SNX30: variants seen among roughly 807,000 people sequenced by gnomAD.
SNX30 encodes sorting nexin family member 30.
SNX30 carries 24 observed loss-of-function variants against 46.4 expected under a neutral mutation model. The observed-to-expected ratio is 0.52, with a 90% CI of 0.37 to 0.73. SNX30 has a LOEUF of 0.73. Ranked by LOEUF, SNX30 falls within the 30% of genes least tolerant of loss-of-function variation. SNX30 has a pLI of 0.00. For synonymous variants in SNX30, 189 were observed against 211.5 expected, an observed-to-expected ratio of 0.89 and a Z score of 0.92; for missense variants, 533 against 555.7, an observed-to-expected ratio of 0.96 and a Z score of 0.41.
chr9:112,812,268 T>G (rs1840332151), intron 2 of SNX30, among the ~76,000 whole-genome samples: 2 of 152,214 alleles, frequency 1.3e-5, no homozygotes, highest in African/African-American at 4.8e-5. Flanking sequence ...TATTTATTTA[T>G]TTTTTGAGAC....
intron 1 of SNX30, among the ~76,000 whole-genome samples, chr9:112,761,811 A>G (rs1333221026): frequency 6.6e-6 from 1 of 152,200 alleles, no homozygotes; most frequent in Non-Finnish European, 1.5e-5. Flanking sequence ...TCAAACTTCA[A>G]GGCTCAAACA....
At chr9:112,823,153 C>G (rs535372780) in intron 3 of SNX30, among the ~76,000 whole-genome samples, 1 of 152,276 alleles carries the variant, frequency 6.6e-6, no homozygotes, top group South Asian at 2.1e-4. Context: ...CTGGGCAACA[C>G]AGTGACACCT....
chr9:112,822,456 C>T (rs1337067185), intron 3 of SNX30, among the ~76,000 whole-genome samples: 1 of 151,842 alleles, frequency 6.6e-6, no homozygotes, highest in African/African-American at 2.4e-5. Flanking sequence ...CTTGTATGTA[C>T]CCCTGATACC....
At chr9:112,878,435 C>A (rs1428748942), downstream of SNX30, 1 of 152,242 alleles carries the variant, frequency 6.6e-6, no homozygotes, top group African/African-American at 2.4e-5. Context: ...ACCCTTCCAG[C>A]CTTGTCATAG....
At chr9:112,784,484 A>G (rs1839890071) in intron 1 of SNX30, among the ~76,000 whole-genome samples, 1 of 152,144 alleles carries the variant, frequency 6.6e-6, no homozygotes, top group Non-Finnish European at 1.5e-5. Flanking sequence ...AGAGCAGCTC[A>G]TGTCCATTCA....
downstream of SNX30, chr9:112,879,373 G>A (rs1841550901): frequency 5.6e-6 from 1 of 177,998 alleles, no homozygotes; most frequent in Non-Finnish European, 1.2e-5. Context: ...CAGGTGACTA[G>A]TTAGCTATAC....
chr9:112,860,795 T>A (rs760867899), intron 7 of SNX30, among the ~76,000 whole-genome samples: 24 of 152,186 alleles, frequency 1.6e-4, no homozygotes, highest in Non-Finnish European at 3.2e-4. Flanking sequence ...TTATAACACA[T>A]GGAATAAAGC....
chr9:112,777,008 G>C (rs138368022), intron 1 of SNX30, among the ~76,000 whole-genome samples: 225 of 152,142 alleles, frequency 1.5e-3, no homozygotes, highest in Admixed American at 2.5e-3. Context: ...CAGTCTCTGT[G>C]GTCTCTGATT....
intron 6 of SNX30, among the ~76,000 whole-genome samples, chr9:112,849,677 C>G (rs1840994044): frequency 6.6e-6 from 1 of 152,170 alleles, no homozygotes; most frequent in Admixed American, 6.5e-5. Flanking sequence ...TTGACACATT[C>G]CATTAGAAGG....
intron 1 of SNX30, among the ~76,000 whole-genome samples, chr9:112,779,802 A>C (rs989768188): frequency 6.6e-6 from 1 of 152,180 alleles, no homozygotes; most frequent in Non-Finnish European, 1.5e-5. Context: ...CACTTGGCTG[A>C]GTGCTCCACT....
At chr9:112,835,537 G>A (rs1840738941) in intron 4 of SNX30, among the ~76,000 whole-genome samples, 1 of 148,556 alleles carries the variant, frequency 6.7e-6, no homozygotes, top group African/African-American at 2.5e-5. Context: ...GGCTGGTCTT[G>A]AACTCCTGAC....
At chr9:112,754,079 G>A (rs975922924) in intron 1 of SNX30, among the ~76,000 whole-genome samples, 2 of 152,206 alleles carry the variant, frequency 1.3e-5, no homozygotes, top group African/African-American at 4.8e-5. Flanking sequence ...CAGGGATTCT[G>A]CGTCAGTTCT....
At chr9:112,841,042 G>A (rs545041183) in intron 6 of SNX30, among the ~76,000 whole-genome samples, 27 of 152,338 alleles carry the variant, frequency 1.8e-4, no homozygotes, top group South Asian at 1.2e-3. Flanking sequence ...GATTACAGGC[G>A]TGAGCCACTG....
intron 8 of SNX30, among the ~76,000 whole-genome samples, chr9:112,867,966 A>G (rs1564298524): frequency 6.6e-6 from 1 of 152,230 alleles, no homozygotes; most frequent in African/African-American, 2.4e-5. Context: ...TCAGAGGACA[A>G]TGCCAGAGTG....
intron 7 of SNX30, among the ~76,000 whole-genome samples, chr9:112,863,844 T>G (rs1181822493): frequency 6.6e-6 from 1 of 152,208 alleles, no homozygotes; most frequent in Non-Finnish European, 1.5e-5. Context: ...AGTTCCAATA[T>G]GGGACACAGG....
chr9:112,753,914 G>A (rs1229936500), intron 1 of SNX30, among the ~76,000 whole-genome samples: 2 of 152,234 alleles, frequency 1.3e-5, no homozygotes, highest in Admixed American at 1.3e-4. Context: ...GTGAGTCAGA[G>A]CCAGAAGAAG....
chr9:112,870,913 A>C lies in SNX30; in HGVS notation c.*2070A>C, dbSNP rs906730570. ...TTTGGAAAAAACTGGAGTTACAGGAAAATGAAATCTGACTATCTGCTAGTT... is the reference window on the plus strand; with the variant it reads ...TTTGGAAAAAACTGGAGTTACAGGACAATGAAATCTGACTATCTGCTAGTT... On this transcript the variant is annotated 3_prime_UTR_variant, in exon 9 of 9. Coordinates refer to ENST00000374232, the MANE Select transcript of SNX30 (RefSeq NM_001012994.2). 1 of 152,276 alleles carries C rather than the reference A, an allele frequency of 6.6e-6. No individual in the cohort carries two copies. Among genetic ancestry groups the C allele is most frequent in the East Asian group, 1.9e-4 (1 of 5,200 alleles). The allele number at this position is 152,276 out of a possible 1,614,324, so 9.4% of individuals were successfully genotyped here. A position where few individuals can be genotyped will look rare whatever the true frequency, so the allele number is the denominator to read the frequency against.
rs192304520 is a variant in SNX30, at chr9:112,855,654, C to T, written c.1101+4709C>T. Among the ~76,000 whole-genome samples the T allele has an allele frequency of 2.7e-3, 409 of 152,038 alleles. 3 individuals are homozygous for T. The highest frequency in any genetic ancestry group is 9.2e-3 in the African/African-American group (383 of 41,444). On this transcript the variant is annotated intron_variant, in intron 7 of 8. Transcript: ENST00000374232. ...GCAGAGGATGCGGAGGCCTCTGGAG[C>T]TGGGGAAGAATGGTGGTGTCCTAGA...
intron 2 of SNX30, among the ~76,000 whole-genome samples, chr9:112,816,260 CG>C (rs1468632256): frequency 6.6e-6 from 1 of 152,154 alleles, no homozygotes; most frequent in African/African-American, 2.4e-5. Flanking sequence ...TCCGCCTGTG[CG>C]GGTGGTGTGG....
Sources: allele counts gnomAD v4.1 joint callset (sites outside exome capture counted in the v4.1 genomes callset), GRCh38; gene constraint gnomAD v4.1.1; transcripts MANE v1.5; gene names NCBI Gene and HGNC (gene_info 2026-07-23, HGNC 2026-07-21).